The following DIO2 variants were observed in gnomAD, a reference collection of about 807,000 sequenced individuals.
DIO2 encodes type II iodothyronine deiodinase.
A neutral mutation model predicts 21.4 loss-of-function variants in DIO2; 19 were observed. That is an observed-to-expected ratio of 0.89 (90% CI 0.62 to 1.30). The LOEUF is 1.30. Among genes scored for constraint, DIO2 ranks in the 50% most tolerant of loss-of-function variants. The pLI, the probability that DIO2 is intolerant of heterozygous loss-of-function variation, is 0.00. For missense variants in DIO2, 302 were observed against 338.1 expected (o/e 0.89, Z 0.84); for synonymous variants, 122 against 132.9 (o/e 0.92, Z 0.57).
At chr14:80,223,730 T>C (rs796242484) in intron 2 of DIO2, among the ~76,000 whole-genome samples, 37 of 152,352 alleles carry the variant, frequency 2.4e-4, no homozygotes, top group African/African-American at 8.9e-4. Context: ...CCTAAGGCTA[T>C]CATTCTTAAG....
chr14:80,213,334 C>T (rs1467594590), upstream of DIO2, among the ~76,000 whole-genome samples: 1 of 152,134 alleles, frequency 6.6e-6, no homozygotes, highest in Non-Finnish European at 1.5e-5. Context: ...TTCTATGTAG[C>T]CAGAGCTTAG....
At chr14:80,219,582 T>C (rs555309608) in intron 2 of DIO2, 2 of 151,794 alleles carry the variant, frequency 1.3e-5, no homozygotes, top group African/African-American at 4.8e-5. Flanking sequence ...AAGTTAGTCA[T>C]TGCGCTGGGC....
chr14:80,203,292 A>G lies in DIO2; in HGVS notation c.223-4T>C. 2 of 1,436,218 alleles carry G rather than the reference A, an allele frequency of 1.4e-6. No homozygotes were observed. Among genetic ancestry groups the G allele is most frequent in the Non-Finnish European group, 1.8e-6 (2 of 1,102,860 alleles). 89.0% of individuals were successfully genotyped at this position (1,436,218 alleles called of 1,614,324 possible). A position where few individuals can be genotyped will look rare whatever the true frequency, so the allele number is the denominator to read the frequency against. Reference sequence around the variant, plus strand: ...GGGCATCCTCACCCAATTTCACCTGACGGTAAAAAAAAAAAAAAAGAAGAA... The same window carrying G: ...GGGCATCCTCACCCAATTTCACCTGGCGGTAAAAAAAAAAAAAAAGAAGAA... On this transcript the variant is annotated splice_region_variant and splice_polypyrimidine_tract_variant and intron_variant, in intron 1 of 1. Coordinates refer to ENST00000438257, the MANE Select transcript of DIO2 (RefSeq NM_013989.5).
At position 80,202,813 on chromosome 14, in the gene DIO2, A is replaced by G. The variant is rs1417434758; in HGVS notation, c.698T>C (p.Val233Ala). The G allele has an allele frequency of 6.2e-7, 1 of 1,613,958 alleles. No individual in the cohort carries two copies. Among genetic ancestry groups the G allele is most frequent in the East Asian group, 2.2e-5 (1 of 44,876 alleles). Reference protein sequence around the residue: ...YGVAFERVCIVQRQKIAYLGG... With the variant: ...YGVAFERVCIAQRQKIAYLGG... ...CAGATAAGCAATTTTCTGTCTCTGC[A>G]CAATGCACACACGTTCAAAGGCTAC... The change falls in exon 2 of 2, where the codon GTG becomes GCG. Residue 233 changes from valine (V) to alanine (A), a missense_variant. Physicochemically the swap from Val to Ala is moderately conservative, Grantham distance 64. Transcript: ENST00000438257.
At chr14:80,220,353 C>A (rs924148663) in intron 2 of DIO2, among the ~76,000 whole-genome samples, 12 of 152,142 alleles carry the variant, frequency 7.9e-5, no homozygotes, top group African/African-American at 2.9e-4. Flanking sequence ...GTCTTAGCAT[C>A]TAGGTGTTAC....
Position 80,203,055 on chromosome 14 carries a change from TGAG to T in DIO2, c.453_455del (p.Ser152del), listed in dbSNP as rs747400822. The T allele has an allele frequency of 1.9e-6, 3 of 1,613,864 alleles. No individual in the cohort carries two copies. Among genetic ancestry groups the T allele is most frequent in the African/African-American group, 1.3e-5 (1 of 75,022 alleles). ...TGTAGACCAGCAGGAAGTCAGCCAC[TGAG>T]GAGAACTCTTCCACCAGTTTGCGGA... On this transcript the variant is annotated inframe_deletion, in exon 2 of 2. Transcript: ENST00000438257.
At chr14:80,219,257 G>A (rs1205906205) in intron 2 of DIO2, 1 of 152,164 alleles carries the variant, frequency 6.6e-6, no homozygotes, top group African/African-American at 2.4e-5. Flanking sequence ...TGAGGGCAGT[G>A]CAATAATAAA....
intron 1 of DIO2, among the ~76,000 whole-genome samples, chr14:80,205,159 T>C (rs934732531): frequency 3.0e-4 from 45 of 152,318 alleles, no homozygotes; most frequent in African/African-American, 1.0e-3. Flanking sequence ...ATGTTGAAGG[T>C]ATTATTAACC....
intron 1 of DIO2, among the ~76,000 whole-genome samples, chr14:80,203,535 T>A (rs1887831535): frequency 6.6e-6 from 1 of 152,226 alleles, no homozygotes; most frequent in Admixed American, 6.5e-5. Context: ...ATAATTATTT[T>A]CATCACTGAA....
chr14:80,210,204 G>A (rs1437812689), intron 1 of DIO2, among the ~76,000 whole-genome samples: 1 of 152,190 alleles, frequency 6.6e-6, no homozygotes, highest in Non-Finnish European at 1.5e-5. Context: ...AAGCCTGGTT[G>A]AGGGGGTGGA....
chr14:80,209,393 CA>C (rs1374975007), intron 1 of DIO2, among the ~76,000 whole-genome samples: 1 of 151,176 alleles, frequency 6.6e-6, no homozygotes, highest in African/African-American at 2.4e-5. Context: ...ATTGTCCTTC[CA>C]AAAAGTAAGA....
At chr14:80,219,973 CCTT>C (rs1269136828) in intron 2 of DIO2, among the ~76,000 whole-genome samples, 2 of 152,018 alleles carry the variant, frequency 1.3e-5, no homozygotes, top group African/African-American at 4.8e-5. Context: ...GAATGGATAA[CCTT>C]CTCTTGATAA....
At position 80,203,200 on chromosome 14, in the gene DIO2, T is replaced by G. The variant is rs1158296621; in HGVS notation, c.311A>C (p.Glu104Ala). ...GCATGTGGCTCCCTCAGCTATCTTC[T>G]CCTGGGTACCATTGCCACTGTTGTC... ...GGDNSGNGTQ[E>A]KIAEGATCHL... Residue 104 changes from glutamate to alanine, a missense_variant, in exon 2 of 2, where the codon GAG becomes GCG. Coordinates refer to ENST00000438257, the MANE Select transcript of DIO2 (RefSeq NM_013989.5). The G allele has an allele frequency of 4.3e-6, 7 of 1,609,404 alleles. No individual in the cohort carries two copies. Among genetic ancestry groups the G allele is most frequent in the Non-Finnish European group, 8.5e-7 (1 of 1,177,998 alleles).
At chr14:80,230,398 T>G (rs1340256294) in intron 2 of DIO2, among the ~76,000 whole-genome samples, 1 of 152,170 alleles carries the variant, frequency 6.6e-6, no homozygotes, top group Non-Finnish European at 1.5e-5. Context: ...GCTCTTTCTC[T>G]ATAGGAGATG....
Position 80,203,167 on chromosome 14 carries a change from A to G in DIO2, c.344T>C (p.Leu115Pro), listed in dbSNP as rs750658923. The change falls in exon 2 of 2, where the codon CTT becomes CCT. Residue 115 changes from leucine (L) to proline (P), a missense_variant. Physicochemically the swap from Leu to Pro is moderately conservative, Grantham distance 98. Transcript: ENST00000438257. ...TGGGCGCTCAGGGCTGGCAAAGTCA[A>G]GAAGGTGGCATGTGGCTCCCTCAGC... ...KIAEGATCHL[L>P]DFASPERPLV... 6.2e-7 allele frequency: 1 copy of G among 1,612,140 alleles called. No homozygotes were observed. Among genetic ancestry groups the G allele is most frequent in the Non-Finnish European group, 8.5e-7 (1 of 1,179,098 alleles).
In DIO2 at chr14:80,199,807, T is replaced by G. The variant is rs181554842; in HGVS notation, c.*2882A>C. 1 of 152,688 alleles carries G rather than the reference T, an allele frequency of 6.5e-6. No individual in the cohort carries two copies. Among genetic ancestry groups the G allele is most frequent in the East Asian group, 1.9e-4 (1 of 5,180 alleles). 9.5% of individuals were successfully genotyped at this position (152,688 alleles called of 1,614,324 possible). On this transcript the variant is annotated 3_prime_UTR_variant, in exon 2 of 2. Coordinates refer to ENST00000438257, the MANE Select transcript of DIO2 (RefSeq NM_013989.5). ...ACACAGCCTATGGGAGAAACATGAT[T>G]AGGGACTAAGAAAGAGAACTCAGAC... is the stretch of plus-strand genomic sequence containing the variant.
rs1052944439 is a variant in DIO2, at chr14:80,227,037, C to T, written c.-277-10300G>A. Among the ~76,000 whole-genome samples, 6 of 152,156 alleles carry T rather than the reference C, an allele frequency of 3.9e-5. No homozygotes were observed. The South Asian group carries it at 8.3e-4, about 21-fold the overall frequency. On this transcript the variant is annotated intron_variant, in intron 2 of 4. Transcript: ENST00000553594. ...TCACACATCTGGCCATTTCTCCTTC[C>T]ATGAAAAGTGCACAACCAGGTACAC...
At chr14:80,213,424 C>T (rs1482659328), upstream of DIO2, among the ~76,000 whole-genome samples, 1 of 152,250 alleles carries the variant, frequency 6.6e-6, no homozygotes, top group Non-Finnish European at 1.5e-5. Context: ...TTCATGATCA[C>T]AGAAATAATT....
rs894843358 is a variant in DIO2 at position 80,198,339 on chromosome 14, A to T, written c.*4350T>A. 3.9e-5 allele frequency: 6 copies of T among 152,420 alleles called. No homozygotes were observed. Among genetic ancestry groups the T allele is most frequent in the African/African-American group, 1.5e-4 (6 of 41,336 alleles). The allele number at this position is 152,420 out of a possible 1,614,324, so 9.4% of individuals were successfully genotyped here. On this transcript the variant is annotated 3_prime_UTR_variant, in exon 2 of 2. Transcript: ENST00000438257. ...ACATGTTTGCTTTCTATTGGTTCAGACTCACCTTGGAACAGAGCTGGGTCT... is the reference window on the plus strand; with the variant it reads ...ACATGTTTGCTTTCTATTGGTTCAGTCTCACCTTGGAACAGAGCTGGGTCT...
Sources: allele counts gnomAD v4.1 joint callset (sites outside exome capture counted in the v4.1 genomes callset), GRCh38; gene constraint gnomAD v4.1.1; transcripts MANE v1.5; gene names NCBI Gene and HGNC (gene_info 2026-07-23, HGNC 2026-07-21).